The following GABBR1 variants were observed in gnomAD, a reference collection of about 807,000 sequenced individuals.
GABBR1 encodes the protein GABA-B receptor, R1 subunit.
A neutral mutation model predicts 117.7 loss-of-function variants in GABBR1; 35 were observed. The ratio of observed to expected loss-of-function variants is 0.30; its 90% CI spans 0.23 to 0.39. The LOEUF (loss-of-function observed/expected upper bound fraction) is 0.39, where lower values mean the gene tolerates loss of function less well. Among genes scored for constraint, GABBR1 ranks in the 10% least tolerant of loss-of-function variants. The probability of loss-of-function intolerance (pLI) is 1.00; values close to 1 mark genes in which losing one functional copy is unlikely to be tolerated. For missense variants in GABBR1, 709 were observed against 1,241.8 expected, an observed-to-expected ratio of 0.57 and a Z score of 6.45; for synonymous variants, 442 against 486.6, an observed-to-expected ratio of 0.91 and a Z score of 1.21.
rs1247793845 is a variant in GABBR1, at chr6:29,606,518, T to C, written c.2218-34A>G. 2 of 1,453,268 alleles carry C rather than the reference T, an allele frequency of 1.4e-6. No individual in the cohort carries two copies. The highest frequency in any genetic ancestry group is 1.4e-5 in the African/African-American group (1 of 71,726). 90.0% of individuals were successfully genotyped at this position (1,453,268 alleles called of 1,614,324 possible). A position where few individuals can be genotyped will look rare whatever the true frequency, so the allele number is the denominator to read the frequency against. ...GAAACAAGGTCACAAGAAAGATGGT[T>C]GCCAGCCTCCCCTCCTCTCCTCAAC... On this transcript the variant is annotated intron_variant, in intron 18 of 22. Coordinates refer to ENST00000377034, the MANE Select transcript of GABBR1 (RefSeq NM_001470.4). This position sits in a 1 kb window ranked among gnomAD's most constrained non-coding sequence, Gnocchi z 4.5.
In GABBR1 at chr6:29,605,364, T is replaced by C; in HGVS notation, c.2439+205A>G. 1.6e-6 allele frequency: 1 copy of C among 635,612 alleles called. No individual in the cohort carries two copies. The highest frequency in any genetic ancestry group is 2.6e-5 in the East Asian group (1 of 38,202). 39.4% of individuals were successfully genotyped at this position (635,612 alleles called of 1,614,324 possible). On this transcript the variant is annotated intron_variant, in intron 20 of 22. Transcript: ENST00000377034. The surrounding 1 kb of genome is among the most constrained non-coding windows in gnomAD (Gnocchi z 4.2). ...ATAAAGTGGGGATACTAATATCTAC[T>C]TCACTGGGTAGTTGCAAGATTAATG...
In GABBR1 at chr6:29,627,492, G is replaced by A. The variant is rs777966571; in HGVS notation, c.651C>T (p.Asp217=). The stretch of plus-strand genomic sequence containing the variant: ...CCCCCATGTCCAGGGCTACCTTGCT[G>A]TCGTGGTGGATGAGCTTGAGCTCAT... ...PDYELKLIHH[D]SKCDPGQATK... Residue 217 remains aspartate (D), a synonymous_variant, in exon 6 of 23, where the codon GAC becomes GAT. Coordinates refer to ENST00000377034, the MANE Select transcript of GABBR1 (RefSeq NM_001470.4). The surrounding 1 kb of genome is among the most constrained non-coding windows in gnomAD (Gnocchi z 4.4). 2.5e-6 allele frequency: 4 copies of A among 1,596,452 alleles called. No homozygotes were observed. The Admixed American group carries it at 5.1e-5, about 20-fold the overall frequency.
chr6:29,628,013 T>A, intron 5 of GABBR1: 3 of 1,266,312 alleles, frequency 2.4e-6, no homozygotes, highest in Non-Finnish European at 3.0e-6. Flanking sequence ...GCGGACTGAC[T>A]GACCGACGGA....
Position 29,623,758 on chromosome 6 carries a change from T to G in GABBR1, c.792+132A>C, listed in dbSNP as rs889554479. The G allele has an allele frequency of 8.1e-6, 9 of 1,110,438 alleles. No individual in the cohort carries two copies. Among genetic ancestry groups the G allele is most frequent in the Non-Finnish European group, 1.2e-5 (9 of 779,894 alleles). 68.8% of individuals were successfully genotyped at this position (1,110,438 alleles called of 1,614,324 possible). A position where few individuals can be genotyped will look rare whatever the true frequency, so the allele number is the denominator to read the frequency against. On this transcript the variant is annotated intron_variant, in intron 7 of 22. Transcript: ENST00000377034. The surrounding 1 kb of genome is among the most constrained non-coding windows in gnomAD (Gnocchi z 6.2). Reference sequence around the variant, plus strand: ...GCTAGGAGGCTGCCTAGCTCAGGTCTGCAGAGGACTCTGAATCTTAGTAGC... The same window carrying G: ...GCTAGGAGGCTGCCTAGCTCAGGTCGGCAGAGGACTCTGAATCTTAGTAGC...
At chr6:29,625,702 C>T (rs753432375) in intron 6 of GABBR1, among the ~76,000 whole-genome samples, 1 of 152,150 alleles carries the variant, frequency 6.6e-6, no homozygotes, top group Non-Finnish European at 1.5e-5. Flanking sequence ...CCAGGTCCCA[C>T]GTCTGCTCCC....
chr6:29,629,128 G>A, intron 4 of GABBR1, 21 bp from the exon 5 acceptor site: 1 of 1,612,948 alleles, frequency 6.2e-7, no homozygotes, highest in Non-Finnish European at 8.5e-7. Context: ...GAAAGACGGG[G>A]ATCAGAGAAG....
At position 29,631,796 on chromosome 6, in the gene GABBR1, AG is replaced by A. The variant is rs1487243813; in HGVS notation, c.86-198del. 6.6e-6 allele frequency among the ~76,000 whole-genome samples: 1 copy of A among 152,082 alleles called. No homozygotes were observed. The highest frequency in any genetic ancestry group is 1.5e-5 in the Non-Finnish European group (1 of 67,988). On this transcript the variant is annotated intron_variant, in intron 2 of 22. Transcript: ENST00000377034. The surrounding 1 kb of genome is among the most constrained non-coding windows in gnomAD (Gnocchi z 5.9). ...GCTAAAGGACAGAGAGTAAAGGGCC[AG>A]GGTTAAAGCTGATGAGAGAACCCAC...
rs577934872 is a variant in GABBR1 at position 29,609,572 on chromosome 6, G to A, written c.1709-193C>T. 7.2e-5 allele frequency among the ~76,000 whole-genome samples: 11 copies of A among 152,306 alleles called. No homozygotes were observed. In the South Asian group the frequency reaches 2.1e-3, roughly 29 times the overall value. On this transcript the variant is annotated intron_variant, in intron 14 of 22. Transcript: ENST00000377034. This position sits in a 1 kb window ranked among gnomAD's most constrained non-coding sequence, Gnocchi z 4.3. ...CAGAATGCTCAGTGCCACTGGGGCC[G>A]TTAGGAAGCAACCAGAAATGAGATG...
rs762891019 is a variant in GABBR1, at chr6:29,631,581, G to A, written c.104C>T (p.Pro35Leu). Residue 35 changes from proline to leucine, a missense_variant, in exon 3 of 23, where the codon CCG becomes CTG. Pro to Leu is a moderately conservative substitution (Grantham distance 98). Transcript: ENST00000377034. This position sits in a 1 kb window ranked among gnomAD's most constrained non-coding sequence, Gnocchi z 5.9. The stretch of plus-strand genomic sequence containing the variant: ...GTACCTGATGCCCCCTTCCCAGGGC[G>A]GGTGTATGATCTGGCAACCTAAGGG... ...ATSEGCQIIH[P>L]PWEGGIRYRG... 6.2e-7 allele frequency: 1 copy of A among 1,614,118 alleles called. No homozygotes were observed. The highest frequency in any genetic ancestry group is 8.5e-7 in the Non-Finnish European group (1 of 1,179,982).
intron 11 of GABBR1, among the ~76,000 whole-genome samples, chr6:29,618,005 A>G (rs1370530637): frequency 6.6e-6 from 1 of 152,196 alleles, no homozygotes; most frequent in Non-Finnish European, 1.5e-5. Context: ...CTTGCCTATA[A>G]AAAAGTTATA....
In GABBR1 at chr6:29,603,610, C is replaced by T. The variant is rs1157859579; in HGVS notation, c.2819G>A (p.Arg940Lys). Residue 940 changes from arginine to lysine, a missense_variant, in exon 23 of 23, where the codon AGG becomes AAG. Transcript: ENST00000377034. ...CCGGTCGGGGGGCTCAGGGGGTCCC[C>T]TGGGCAGGCCCCCAGAGGGTTCTGG... ...TPPEPSGGLP[R>K]GPPEPPDRLS... 1 of 1,574,706 alleles carries T rather than the reference C, an allele frequency of 6.4e-7. No homozygotes were observed. The highest frequency in any genetic ancestry group is 2.2e-5 in the East Asian group (1 of 44,510).
In GABBR1 at chr6:29,622,573, GCAGA is replaced by G. The variant is rs1168863963; in HGVS notation, c.964-372_964-369del. On this transcript the variant is annotated intron_variant, in intron 8 of 22. Transcript: ENST00000377034. The surrounding 1 kb of genome is among the most constrained non-coding windows in gnomAD (Gnocchi z 4.6). ...GATGTCAACCTCAAGAGGCAAATGG[GCAGA>G]CAGACAAAGGATCAGAGAAGAATGG... 4 of 250,848 alleles carry G rather than the reference GCAGA, an allele frequency of 1.6e-5. No individual in the cohort carries two copies. The highest frequency in any genetic ancestry group is 9.7e-5 in the Admixed American group (2 of 20,684). The allele number at this position is 250,848 out of a possible 1,614,324, so 15.5% of individuals were successfully genotyped here. A position where few individuals can be genotyped will look rare whatever the true frequency, so the allele number is the denominator to read the frequency against.
rs931966258 is a variant in GABBR1 at position 29,605,259 on chromosome 6, T to C, written c.2440-271A>G. The C allele has an allele frequency of 9.0e-6, 5 of 556,476 alleles. No individual in the cohort carries two copies. Among genetic ancestry groups the C allele is most frequent in the African/African-American group, 3.8e-5 (2 of 53,302 alleles). 34.5% of individuals were successfully genotyped at this position (556,476 alleles called of 1,614,324 possible). On this transcript the variant is annotated intron_variant, in intron 20 of 22. Transcript: ENST00000377034. This position sits in a 1 kb window ranked among gnomAD's most constrained non-coding sequence, Gnocchi z 4.2. Reference sequence around the variant, plus strand: ...TTCCGGGTCCTCCAGAGTCGGTCCCTGGCAGGAAATGTCAATAGAGTCCAG... The same window carrying C: ...TTCCGGGTCCTCCAGAGTCGGTCCCCGGCAGGAAATGTCAATAGAGTCCAG...
Position 29,604,208 on chromosome 6 carries a change from G to A in GABBR1, c.2712+286C>T, listed in dbSNP as rs1761706873. 6.6e-6 allele frequency among the ~76,000 whole-genome samples: 1 copy of A among 152,112 alleles called. No homozygotes were observed. Among genetic ancestry groups the A allele is most frequent in the African/African-American group, 2.4e-5 (1 of 41,422 alleles). On this transcript the variant is annotated intron_variant, in intron 22 of 22. Transcript: ENST00000377034. This position sits in a 1 kb window ranked among gnomAD's most constrained non-coding sequence, Gnocchi z 5.3. ...CTCCAGTTGTCACCTACAGCCAACA[G>A]CCATCCTCTTGCCTTAAGGAGGCTG...
Position 29,608,655 on chromosome 6 carries a change from G to A in GABBR1, c.1938C>T (p.Pro646=), listed in dbSNP as rs76632246. The A allele has an allele frequency of 4.7e-4, 755 of 1,613,066 alleles. No individual in the cohort carries two copies. Among genetic ancestry groups the A allele is most frequent in the Middle Eastern group, 8.2e-4 (5 of 6,062 alleles). The part of the protein sequence containing the change: ...GCSLALAAVF[P]LGLDGYHIGR... ...CAATGTGGTAACCATCGAGCCCCAG[G>A]GGGAAGACAGCAGCTAAAGCCAGTG... The change falls in exon 16 of 23, where the codon CCC becomes CCT. Residue 646 remains proline, a synonymous_variant. Transcript: ENST00000377034.
chr6:29,625,963 C>T (rs1764227143), intron 6 of GABBR1, among the ~76,000 whole-genome samples: 1 of 152,194 alleles, frequency 6.6e-6, no homozygotes, highest in South Asian at 2.1e-4. Context: ...CCCTGCTGCT[C>T]TTCCCATAGG....
rs1304215404 is a variant in GABBR1, at chr6:29,631,637, G to A, written c.86-38C>T. 1.3e-6 allele frequency: 2 copies of A among 1,588,396 alleles called. No individual in the cohort carries two copies. The highest frequency in any genetic ancestry group is 2.2e-5 in the East Asian group (1 of 44,756). ...TCGGGGAGGCATACAGAGAGGAATGGTGGGAAAGAGGAAAAGGCAGGCTCC... is the reference window on the plus strand; with the variant it reads ...TCGGGGAGGCATACAGAGAGGAATGATGGGAAAGAGGAAAAGGCAGGCTCC... On this transcript the variant is annotated intron_variant, in intron 2 of 22. Coordinates refer to ENST00000377034, the MANE Select transcript of GABBR1 (RefSeq NM_001470.4). This position sits in a 1 kb window ranked among gnomAD's most constrained non-coding sequence, Gnocchi z 5.9.
Position 29,604,561 on chromosome 6 carries a change from T to C in GABBR1, c.2645A>G (p.Asn882Ser), listed in dbSNP as rs764394238. ...DTMKTGSSTN[N>S]NEEEKSRLLE... is the part of the protein sequence containing the mutation. The stretch of plus-strand genomic sequence containing the variant: ...CAGCCGGGACTTCTCCTCCTCGTTG[T>C]TGTTGGTCGATGACCCTGTCTTCAT... Residue 882 changes from asparagine to serine, a missense_variant, in exon 22 of 23, where the codon AAC becomes AGC. This residue lies in a region of GABBR1 where 251 missense variants were observed against 445.3 expected (regional missense o/e 0.56). Transcript: ENST00000377034. This position sits in a 1 kb window ranked among gnomAD's most constrained non-coding sequence, Gnocchi z 5.3. 1.4e-5 allele frequency: 22 copies of C among 1,613,196 alleles called. No individual in the cohort carries two copies. Among genetic ancestry groups the C allele is most frequent in the African/African-American group, 2.7e-5 (2 of 74,936 alleles).
chr6:29,611,744 AG>A lies in GABBR1; in HGVS notation c.1631-744del, dbSNP rs1762556695. Reference sequence around the variant, plus strand: ...TGGAGCAGAAAAATTAACTCCTAGAAGTTCTGCAAATACCTGTGTGCTAAGT... The same window carrying A: ...TGGAGCAGAAAAATTAACTCCTAGAATTCTGCAAATACCTGTGTGCTAAGT... On this transcript the variant is annotated intron_variant, in intron 13 of 22. Coordinates refer to ENST00000377034, the MANE Select transcript of GABBR1 (RefSeq NM_001470.4). The surrounding 1 kb of genome is among the most constrained non-coding windows in gnomAD (Gnocchi z 4.6). Among the ~76,000 whole-genome samples the A allele has an allele frequency of 6.6e-6, 1 of 152,228 alleles. No individual in the cohort carries two copies. The highest frequency in any genetic ancestry group is 2.4e-5 in the African/African-American group (1 of 41,460).
Sources: gnomAD v4.1 joint callset for allele counts (sites outside exome capture counted in the v4.1 genomes callset) on GRCh38, gnomAD v4.1.1 for gene constraint, gnomAD v4.1.1 regional missense constraint, Gnocchi (gnomAD v3.1) non-coding constraint, MANE v1.5 for transcripts, NCBI Gene and HGNC (gene_info 2026-07-23, HGNC 2026-07-21) for gene names.